INPP4B: variants seen among roughly 807,000 people sequenced by gnomAD.
INPP4B encodes the protein inositol polyphosphate-4-phosphatase type II B.
In INPP4B, 55 loss-of-function variants were observed where a neutral mutation model predicts 122.5. That is an observed-to-expected ratio of 0.45 (90% CI 0.36 to 0.56). The LOEUF is 0.56. INPP4B is among the 20% of genes least tolerant of loss of function. The probability of loss-of-function intolerance (pLI) is 0.00; values close to 1 mark genes in which losing one functional copy is unlikely to be tolerated. For synonymous variants in INPP4B, 403 were observed against 388.7 expected (o/e 1.04, Z -0.43); for missense variants, 1,000 against 1,097.7 (o/e 0.91, Z 1.26).
chr4:142,369,625 A>T (rs71608480), intron 7 of INPP4B, among the ~76,000 whole-genome samples: 35,921 of 146,516 alleles, frequency 0.25, 4,607 homozygotes, highest in African/African-American at 0.28. Flanking sequence ...TAAAAATAAA[A>T]AAATAAAAAA....
intron 16 of INPP4B, among the ~76,000 whole-genome samples, chr4:142,172,594 T>C (rs1826134176): frequency 6.6e-6 from 1 of 151,998 alleles, no homozygotes; most frequent in African/African-American, 2.4e-5. Context: ...TGAATAGATA[T>C]TAACTATTTT....
intron 2 of INPP4B, among the ~76,000 whole-genome samples, chr4:142,545,847 G>C (rs546829825): frequency 6.7e-5 from 10 of 148,194 alleles, no homozygotes; most frequent in South Asian, 2.1e-4. Flanking sequence ...AAAATGGTCT[G>C]TTGTTCAAAT....
rs559655422 is a variant in INPP4B at position 142,222,318 on chromosome 4, G to A, written c.837-13292C>T. 2.6e-5 allele frequency among the ~76,000 whole-genome samples: 4 copies of A among 152,292 alleles called. No individual in the cohort carries two copies. In the East Asian group the frequency reaches 7.7e-4, roughly 29 times the overall value. On this transcript the variant is annotated intron_variant, in intron 12 of 25. Transcript: ENST00000262992. The stretch of plus-strand genomic sequence containing the variant: ...CTTATCTATTCAGTTATGCAGGCCA[G>A]AATGCTTGAGTCATCCTTGACATTT...
intron 2 of INPP4B, among the ~76,000 whole-genome samples, chr4:142,579,911 A>T (rs1734702914): frequency 6.6e-6 from 1 of 150,952 alleles, no homozygotes; most frequent in African/African-American, 2.4e-5. Flanking sequence ...AGATAGATAG[A>T]TAGATAGATA....
At chr4:142,452,336 A>G (rs1037866575) in intron 3 of INPP4B, among the ~76,000 whole-genome samples, 5 of 152,208 alleles carry the variant, frequency 3.3e-5, no homozygotes, top group African/African-American at 1.2e-4. Flanking sequence ...AGGGAAGCAC[A>G]TGGACCCACT....
At chr4:142,086,100 G>A (rs2152545062) in intron 24 of INPP4B, 44 bp downstream of exon 24, 1 of 1,269,774 alleles carries the variant, frequency 7.9e-7, no homozygotes, top group Non-Finnish European at 1.2e-6. Context: ...ATATTTGCTG[G>A]TTATGACATG....
At chr4:142,839,995 GC>G (rs1368718547) in intron 1 of INPP4B, among the ~76,000 whole-genome samples, 1 of 152,128 alleles carries the variant, frequency 6.6e-6, no homozygotes, top group African/African-American at 2.4e-5. Flanking sequence ...GCATTCTGAT[GC>G]ACAGATGACA....
At chr4:142,665,909 G>A (rs977027199) in intron 2 of INPP4B, among the ~76,000 whole-genome samples, 1 of 152,206 alleles carries the variant, frequency 6.6e-6, no homozygotes, top group African/African-American at 2.4e-5. Context: ...TTTCTTCTAG[G>A]TATACATGCT....
At chr4:142,064,202 T>C (rs1036495528) in intron 25 of INPP4B, among the ~76,000 whole-genome samples, 1 of 152,222 alleles carries the variant, frequency 6.6e-6, no homozygotes, top group African/African-American at 2.4e-5. Context: ...AAATCTTTTA[T>C]TATTTAGTGT....
At chr4:142,578,287 C>G (rs540247447) in intron 2 of INPP4B, among the ~76,000 whole-genome samples, 2 of 152,012 alleles carry the variant, frequency 1.3e-5, no homozygotes, top group South Asian at 4.2e-4. Context: ...GATGCTTAAA[C>G]CCGTAATGAT....
chr4:142,650,792 G>T (rs1443542712), intron 2 of INPP4B, among the ~76,000 whole-genome samples: 1 of 152,184 alleles, frequency 6.6e-6, no homozygotes, highest in Non-Finnish European at 1.5e-5. Context: ...ACACCCCACT[G>T]TCAATATTAG....
At chr4:142,809,215 TTTTA>T in intron 1 of INPP4B, among the ~76,000 whole-genome samples, 1 of 152,224 alleles carries the variant, frequency 6.6e-6, no homozygotes, top group African/African-American at 2.4e-5. Flanking sequence ...CAAAATATAA[TTTTA>T]TTTCTTATTT....
chr4:142,110,084 T>A (rs1245443155), intron 22 of INPP4B, among the ~76,000 whole-genome samples: 1 of 152,132 alleles, frequency 6.6e-6, no homozygotes, highest in African/African-American at 2.4e-5. Flanking sequence ...GGAATAAATG[T>A]TTGTGTTGTC....
intron 1 of INPP4B, among the ~76,000 whole-genome samples, chr4:142,831,891 G>C (rs575551214): frequency 3.3e-5 from 5 of 152,260 alleles, no homozygotes; most frequent in Middle Eastern, 3.4e-3. Context: ...TGTTCTTACA[G>C]TATGTATAAA....
At chr4:142,379,925 G>C (rs1579901003) in intron 7 of INPP4B, among the ~76,000 whole-genome samples, 1 of 152,200 alleles carries the variant, frequency 6.6e-6, no homozygotes, top group South Asian at 2.1e-4. Context: ...GGTAGAGCTG[G>C]CCAGCCAGGT....
At position 142,275,486 on chromosome 4, in the gene INPP4B, T is replaced by G. The variant is rs28397201; in HGVS notation, c.504-4712A>C. 4.6e-3 allele frequency among the ~76,000 whole-genome samples: 696 copies of G among 151,758 alleles called. 6 individuals carry two copies. Among genetic ancestry groups the G allele is most frequent in the African/African-American group, 0.016 (656 of 41,486 alleles). ...AACCATCTAGACATGTAAGCAGAAA[T>G]GAAAATCTCACCCAAACATAAAAAT... On this transcript the variant is annotated intron_variant, in intron 9 of 25. Coordinates refer to ENST00000262992, the MANE Select transcript of INPP4B (RefSeq NM_001101669.3).
At chr4:142,693,161 T>C (rs996329132) in intron 2 of INPP4B, among the ~76,000 whole-genome samples, 13 of 152,092 alleles carry the variant, frequency 8.5e-5, no homozygotes, top group Non-Finnish European at 1.2e-4. Context: ...CATTTCCTGA[T>C]CTTCTTGGCT....
intron 2 of INPP4B, among the ~76,000 whole-genome samples, chr4:142,557,046 T>C (rs1220676344): frequency 6.6e-6 from 1 of 152,082 alleles, no homozygotes; most frequent in Non-Finnish European, 1.5e-5. Context: ...ATTATATCCC[T>C]AGCCAACTTT....
intron 1 of INPP4B, among the ~76,000 whole-genome samples, chr4:142,739,712 G>A (rs1767621464): frequency 6.6e-6 from 1 of 151,774 alleles, no homozygotes; most frequent in Non-Finnish European, 1.5e-5. Flanking sequence ...AATGCAGGAG[G>A]CTCCAATAAC....
Sources: allele counts gnomAD v4.1 joint callset (sites outside exome capture counted in the v4.1 genomes callset), GRCh38; gene constraint gnomAD v4.1.1; transcripts MANE v1.5; gene names NCBI Gene and HGNC (gene_info 2026-07-23, HGNC 2026-07-21).